BAZ2B: variants seen among roughly 807,000 people sequenced by gnomAD.
The protein encoded by BAZ2B is bromodomain adjacent to zinc finger domain 2B, also known as bromodomain adjacent to zinc finger domain protein 2B.
A neutral mutation model predicts 246.0 loss-of-function variants in BAZ2B; 91 were observed. That is an observed-to-expected ratio of 0.37 (90% CI 0.31 to 0.44). The LOEUF (loss-of-function observed/expected upper bound fraction) is 0.44, where lower values mean the gene tolerates loss of function less well. BAZ2B is among the 20% of genes least tolerant of loss of function. The pLI is 1.00. For missense variants in BAZ2B, 2,332 were observed against 2,533.7 expected, an observed-to-expected ratio of 0.92 and a Z score of 1.71; for synonymous variants, 855 against 860.0, an observed-to-expected ratio of 0.99 and a Z score of 0.10.
intron 16 of BAZ2B, among the ~76,000 whole-genome samples, chr2:159,404,019 A>AT (rs1230009509): frequency 6.6e-6 from 1 of 152,128 alleles, no homozygotes; most frequent in Non-Finnish European, 1.5e-5. Context: ...AACCTTGGAG[A>AT]TAACCACATC....
the BAZ2B span, among the ~76,000 whole-genome samples, chr2:159,675,183 C>T: frequency 6.6e-5 from 10 of 151,914 alleles, no homozygotes; most frequent in African/African-American, 2.4e-4. Flanking sequence ...GGGAGAATCA[C>T]TTGAGGCCAG....
chr2:159,466,270 T>C (rs1054989584), intron 3 of BAZ2B, among the ~76,000 whole-genome samples: 1 of 152,172 alleles, frequency 6.6e-6, no homozygotes, highest in African/African-American at 2.4e-5. Context: ...AGTCACTTGA[T>C]TATTACCAGA....
intron 1 of BAZ2B, among the ~76,000 whole-genome samples, chr2:159,584,425 T>G (rs1429370512): frequency 6.6e-6 from 1 of 152,100 alleles, no homozygotes; most frequent in Non-Finnish European, 1.5e-5. Context: ...CAGCCTGATT[T>G]AGGTTTTAAG....
chr2:159,502,454 G>A (rs77926480), intron 2 of BAZ2B, among the ~76,000 whole-genome samples: 12,315 of 141,430 alleles, frequency 0.087, 757 homozygotes, highest in East Asian at 0.28. Flanking sequence ...GCAAGACTCC[G>A]TCTCTCAAAA....
chr2:159,632,514 G>T, the BAZ2B span, among the ~76,000 whole-genome samples: 1 of 152,134 alleles, frequency 6.6e-6, no homozygotes, highest in Non-Finnish European at 1.5e-5. Context: ...TGCACTTGAG[G>T]TTATTTATCT....
chr2:159,463,238 A>C, intron 3 of BAZ2B: 1 of 451,652 alleles, frequency 2.2e-6, no homozygotes. Context: ...TCCAACACAC[A>C]ATCATTGAAG....
intron 1 of BAZ2B, among the ~76,000 whole-genome samples, chr2:159,599,935 C>CAAAAAAAAAA (rs11303439): frequency 2.0e-5 from 2 of 101,580 alleles, no homozygotes; most frequent in Non-Finnish European, 3.8e-5. Context: ...GACTCCTTCT[C>CAAAAAAAAAA]AAAAAAAAAA....
chr2:159,507,806 C>T (rs1271094839), intron 2 of BAZ2B, among the ~76,000 whole-genome samples: 1 of 152,062 alleles, frequency 6.6e-6, no homozygotes, highest in Non-Finnish European at 1.5e-5. Flanking sequence ...AACGGAGGTT[C>T]AAAAGAGATC....
At chr2:159,333,082 G>C (rs920818517) in intron 33 of BAZ2B, 3 of 153,658 alleles carry the variant, frequency 2.0e-5, no homozygotes, top group African/African-American at 7.2e-5. Context: ...GCATCCTCAT[G>C]ATATCCTGAG....
Position 159,453,802 on chromosome 2 carries a change from C to G in BAZ2B, c.146-1G>C, listed in dbSNP as rs2075380552. 6.4e-7 allele frequency: 1 copy of G among 1,572,874 alleles called. No homozygotes were observed. Among genetic ancestry groups the G allele is most frequent in the Admixed American group, 1.8e-5 (1 of 55,154 alleles). ...TCCCCAGCTGTTCTGAATAAATGTC[C>G]TGGGAGGGAAAAAAACACACTTAAA... On this transcript the variant is annotated splice_acceptor_variant, in intron 3 of 36. Transcript: ENST00000392783. LOFTEE classifies it high-confidence loss of function.
chr2:159,711,529 A>G, the BAZ2B span, among the ~76,000 whole-genome samples: 1 of 152,156 alleles, frequency 6.6e-6, no homozygotes, highest in Admixed American at 6.5e-5. Context: ...GATCCAAAGG[A>G]TTGCTTTTAA....
chr2:159,645,262 C>A, the BAZ2B span, among the ~76,000 whole-genome samples: 1 of 144,036 alleles, frequency 6.9e-6, no homozygotes, highest in Non-Finnish European at 1.5e-5. Context: ...ACAGAAAGAG[C>A]CCTGTCTCTA....
chr2:159,588,766 C>T (rs540877851), intron 1 of BAZ2B, among the ~76,000 whole-genome samples: 8 of 152,278 alleles, frequency 5.3e-5, no homozygotes, highest in African/African-American at 1.9e-4. Context: ...CTCTTTTTGA[C>T]TTTATTTACA....
At chr2:159,398,401 A>G (rs544631603) in intron 18 of BAZ2B, 1 of 153,090 alleles carries the variant, frequency 6.5e-6, no homozygotes, top group African/African-American at 2.4e-5. Context: ...CAGTTGCTGA[A>G]TATTAACAAA....
chr2:159,417,223 T>G lies in BAZ2B; in HGVS notation c.2467-4678A>C, dbSNP rs1305272495. Among the ~76,000 whole-genome samples, 6 of 151,442 alleles carry G rather than the reference T, an allele frequency of 4.0e-5. No individual in the cohort carries two copies. The East Asian group carries it at 9.6e-4, about 24-fold the overall frequency. On this transcript the variant is annotated intron_variant, in intron 13 of 36. Coordinates refer to ENST00000392783, the MANE Select transcript of BAZ2B (RefSeq NM_013450.4). ...TCTCACTCTGTGGCCTAAGCTGTAG[T>G]GTAGTGGTGCAATCTCAGCTCACTG... is the stretch of plus-strand genomic sequence containing the variant.
In BAZ2B at chr2:159,583,703, T is replaced by G. The variant is rs556095389; in HGVS notation, c.-45-27838A>C. On this transcript the variant is annotated intron_variant, in intron 1 of 36. Transcript: ENST00000392783. The stretch of plus-strand genomic sequence containing the variant: ...TGGGGAGAGACAGATAACAAAAATA[T>G]AAATAAAAAAACATTTATAGCATAT... Among the ~76,000 whole-genome samples, 40 of 152,206 alleles carry G rather than the reference T, an allele frequency of 2.6e-4. 1 individual carries two copies. Among genetic ancestry groups the G allele is most frequent in the African/African-American group, 9.4e-4 (39 of 41,546 alleles).
intron 2 of BAZ2B, among the ~76,000 whole-genome samples, chr2:159,552,538 G>C (rs1326012118): frequency 6.6e-6 from 1 of 152,090 alleles, no homozygotes; most frequent in African/African-American, 2.4e-5. Context: ...AGATACTGAG[G>C]CACAAAGAGG....
At chr2:159,445,474 G>A (rs2074098922) in intron 6 of BAZ2B, among the ~76,000 whole-genome samples, 1 of 152,170 alleles carries the variant, frequency 6.6e-6, no homozygotes, top group African/African-American at 2.4e-5. Flanking sequence ...GACTTTGTGG[G>A]AGAGGATGTG....
At chr2:159,384,143 A>G (rs2062341236) in intron 23 of BAZ2B, among the ~76,000 whole-genome samples, 1 of 152,042 alleles carries the variant, frequency 6.6e-6, no homozygotes, top group East Asian at 1.9e-4. Context: ...GATATTCTTT[A>G]CCATTCTGTT....
Sources: allele counts gnomAD v4.1 joint callset (sites outside exome capture counted in the v4.1 genomes callset), GRCh38; gene constraint gnomAD v4.1.1; transcripts MANE v1.5; gene names NCBI Gene and HGNC (gene_info 2026-07-23, HGNC 2026-07-21).